The following PTCHD4 variants were observed in gnomAD, a reference collection of about 807,000 sequenced individuals.
The protein encoded by PTCHD4 is patched domain containing 4.
In PTCHD4, 33 loss-of-function variants were observed where a neutral mutation model predicts 58.1. The ratio of observed to expected loss-of-function variants is 0.57; its 90% CI spans 0.43 to 0.76. PTCHD4 has a LOEUF of 0.76. Ranked by LOEUF, PTCHD4 falls within the 30% of genes least tolerant of loss-of-function variation. The pLI is 0.00. For missense variants in PTCHD4, 1,058 were observed against 1,027.1 expected, an observed-to-expected ratio of 1.03 and a Z score of -0.41; for synonymous variants, 478 against 409.6, an observed-to-expected ratio of 1.17 and a Z score of -2.02.
At chr6:48,013,096 A>C (rs973440287) in intron 3 of PTCHD4, among the ~76,000 whole-genome samples, 1 of 152,116 alleles carries the variant, frequency 6.6e-6, no homozygotes, top group Non-Finnish European at 1.5e-5. Context: ...CATAAAATGA[A>C]TTAGGGAGGA....
At chr6:47,928,761 A>C (rs1481334930) in intron 4 of PTCHD4, among the ~76,000 whole-genome samples, 1 of 152,142 alleles carries the variant, frequency 6.6e-6, no homozygotes, top group Non-Finnish European at 1.5e-5. Context: ...TTCCGTGAGG[A>C]TAAGAAACAT....
At chr6:48,104,475 C>A (rs896024459) in intron 1 of PTCHD4, among the ~76,000 whole-genome samples, 1 of 152,132 alleles carries the variant, frequency 6.6e-6, no homozygotes, top group Non-Finnish European at 1.5e-5. Context: ...AAGGAACAAC[C>A]GGTACCAGCC....
At chr6:48,003,815 T>G (rs1768834937) in intron 4 of PTCHD4, among the ~76,000 whole-genome samples, 1 of 152,188 alleles carries the variant, frequency 6.6e-6, no homozygotes, top group African/African-American at 2.4e-5. Flanking sequence ...CCAGACATAT[T>G]CGCTTTCTTG....
intron 1 of PTCHD4, among the ~76,000 whole-genome samples, chr6:48,096,341 G>A (rs1329980643): frequency 6.6e-6 from 1 of 152,182 alleles, no homozygotes; most frequent in Admixed American, 6.5e-5. Flanking sequence ...GCATGGCGTG[G>A]TGGCTCACAA....
Position 47,875,284 on chromosome 6 carries a change from C to A in PTCHD4, c.*3019G>T, listed in dbSNP as rs1420400364. Among the ~76,000 whole-genome samples, 7 of 151,658 alleles carry A rather than the reference C, an allele frequency of 4.6e-5. No homozygotes were observed. Among genetic ancestry groups the A allele is most frequent in the Admixed American group, 4.6e-4 (7 of 15,178 alleles). On this transcript the variant is annotated 3_prime_UTR_variant, in exon 5 of 5. Transcript: ENST00000339488. The stretch of plus-strand genomic sequence containing the variant: ...AAACAATGAGTGCAAACTGGAAAAA[C>A]TAGGGAGAGGTGCATACAAGCTACC...
At chr6:47,960,855 A>G (rs1456849488) in intron 4 of PTCHD4, among the ~76,000 whole-genome samples, 1 of 151,922 alleles carries the variant, frequency 6.6e-6, no homozygotes, top group African/African-American at 2.4e-5. Flanking sequence ...AGAAATTTTA[A>G]TTCTCTTCTT....
chr6:47,857,960 G>A lies in PTCHD4; in HGVS notation c.*20343C>T, dbSNP rs1763338949. 6.6e-6 allele frequency among the ~76,000 whole-genome samples: 1 copy of A among 151,950 alleles called. No individual in the cohort carries two copies. The highest frequency in any genetic ancestry group is 1.5e-5 in the Non-Finnish European group (1 of 67,960). The stretch of plus-strand genomic sequence containing the variant: ...TGAAGACTAACAATAACATGTTTAA[G>A]GATGTCATTTGTTTCACATCTCAAA... On this transcript the variant is annotated 3_prime_UTR_variant, in exon 5 of 5. Transcript: ENST00000339488.
chr6:48,051,081 C>A (rs1008618382), intron 3 of PTCHD4, among the ~76,000 whole-genome samples: 1 of 151,902 alleles, frequency 6.6e-6, no homozygotes, highest in Non-Finnish European at 1.5e-5. Flanking sequence ...AGCAAACAAC[C>A]TTTCAATCAG....
At chr6:47,987,186 T>C (rs561030546) in intron 4 of PTCHD4, among the ~76,000 whole-genome samples, 1 of 139,790 alleles carries the variant, frequency 7.2e-6, no homozygotes, top group African/African-American at 2.7e-5. Flanking sequence ...ATTAAGAACA[T>C]ACACATGCAT....
intron 3 of PTCHD4, among the ~76,000 whole-genome samples, chr6:48,011,980 T>C (rs1286040510): frequency 1.3e-5 from 2 of 152,112 alleles, no homozygotes; most frequent in Non-Finnish European, 2.9e-5. Context: ...CTGTAGCCTG[T>C]AGTATAATTT....
At chr6:47,893,378 G>C (rs1189889084) in intron 4 of PTCHD4, among the ~76,000 whole-genome samples, 3 of 152,146 alleles carry the variant, frequency 2.0e-5, no homozygotes, top group African/African-American at 4.8e-5. Flanking sequence ...AAAAAGAAAA[G>C]GTTGTATGTG....
intron 3 of PTCHD4, among the ~76,000 whole-genome samples, chr6:48,056,754 C>T (rs921094411): frequency 1.3e-5 from 2 of 152,116 alleles, no homozygotes; most frequent in African/African-American, 4.8e-5. Context: ...TCAGTAGTCT[C>T]CTCTAGGCCT....
At position 47,878,878 on chromosome 6, in the gene PTCHD4, A is replaced by G. The variant is rs1363337109; in HGVS notation, c.1957T>C (p.Ser653Pro). The G allele has an allele frequency of 1.2e-6, 2 of 1,613,710 alleles. No homozygotes were observed. Among genetic ancestry groups the G allele is most frequent in the Non-Finnish European group, 8.5e-7 (1 of 1,179,774 alleles). Reference sequence around the variant, plus strand: ...GCAATCAGAACAGGCACTGTGACAGACAAGCTGTAATGGTCCATGAAGACA... The same window carrying G: ...GCAATCAGAACAGGCACTGTGACAGGCAAGCTGTAATGGTCCATGAAGACA... ...SFVFMDHYSL[S>P]VTVPVLIAGF... The change falls in exon 5 of 5, where the codon TCT becomes CCT. Residue 653 changes from serine (S) to proline (P), a missense_variant. By Grantham distance (74) the Ser-to-Pro change is moderately conservative. Coordinates refer to ENST00000339488, the MANE Select transcript of PTCHD4 (RefSeq NM_001384253.1).
intron 3 of PTCHD4, among the ~76,000 whole-genome samples, chr6:48,026,244 T>C (rs1400779052): frequency 2.0e-5 from 3 of 152,174 alleles, no homozygotes; most frequent in Non-Finnish European, 4.4e-5. Context: ...GAAGTCTTTC[T>C]TCCTGGCTGG....
chr6:48,084,513 T>A (rs1765226039), intron 1 of PTCHD4, among the ~76,000 whole-genome samples: 1 of 152,050 alleles, frequency 6.6e-6, no homozygotes, highest in African/African-American at 2.4e-5. Context: ...ATTGTTCTAA[T>A]GTTTGGCAGC....
At chr6:47,905,888 A>G (rs1334522894) in intron 4 of PTCHD4, among the ~76,000 whole-genome samples, 1 of 152,184 alleles carries the variant, frequency 6.6e-6, no homozygotes, top group Admixed American at 6.5e-5. Flanking sequence ...TCCTGAGGCC[A>G]TGATCAGACA....
chr6:47,878,301 C>T lies in PTCHD4; in HGVS notation c.*2G>A, dbSNP rs900075263. The T allele has an allele frequency of 6.3e-7, 1 of 1,582,216 alleles. No individual in the cohort carries two copies. The highest frequency in any genetic ancestry group is 8.6e-7 in the Non-Finnish European group (1 of 1,165,652). On this transcript the variant is annotated 3_prime_UTR_variant, in exon 5 of 5. Coordinates refer to ENST00000339488, the MANE Select transcript of PTCHD4 (RefSeq NM_001384253.1). Reference sequence around the variant, plus strand: ...GAAAAATAATCCACTGGTCTATACCCCTCATACTGTGGTGACGTGATCCGG... The same window carrying T: ...GAAAAATAATCCACTGGTCTATACCTCTCATACTGTGGTGACGTGATCCGG...
rs565661323 is a variant in PTCHD4 at position 47,863,363 on chromosome 6, A to G, written c.*14940T>C. 6.0e-4 allele frequency among the ~76,000 whole-genome samples: 91 copies of G among 152,034 alleles called. No homozygotes were observed. Among genetic ancestry groups the G allele is most frequent in the African/African-American group, 2.1e-3 (88 of 41,536 alleles). ...CTCAGAAATTTAAGCTTCATTAGCT[A>G]CATGCTACACTTGCATATCCCACAT... On this transcript the variant is annotated 3_prime_UTR_variant, in exon 5 of 5. Transcript: ENST00000339488.
Position 47,996,699 on chromosome 6 carries a change from T to TA in PTCHD4, c.898+11934dup, listed in dbSNP as rs34349501. On this transcript the variant is annotated intron_variant, in intron 4 of 4. Coordinates refer to ENST00000339488, the MANE Select transcript of PTCHD4 (RefSeq NM_001384253.1). ...TTGGCAAATAAGGAATCCATATTCA[T>TA]AAAAAAATGGCCATTGAATACTTTT... Among the ~76,000 whole-genome samples, 4 of 152,186 alleles carry TA rather than the reference T, an allele frequency of 2.6e-5. No individual in the cohort carries two copies. The East Asian group carries it at 5.8e-4, about 22-fold the overall frequency.
Sources: allele counts gnomAD v4.1 joint callset (sites outside exome capture counted in the v4.1 genomes callset), GRCh38; gene constraint gnomAD v4.1.1; transcripts MANE v1.5; gene names NCBI Gene and HGNC (gene_info 2026-07-23, HGNC 2026-07-21).